Variants in SPATA16 observed in about 807,000 individuals in gnomAD.
SPATA16 encodes spermatogenesis-associated protein 16.
A neutral mutation model predicts 63.3 loss-of-function variants in SPATA16; 36 were observed. The ratio of observed to expected loss-of-function variants is 0.57; its 90% CI spans 0.44 to 0.75. The LOEUF is 0.75. Among genes scored for constraint, SPATA16 ranks in the 30% least tolerant of loss-of-function variants. The pLI is 0.00. For missense variants in SPATA16, 646 were observed against 679.3 expected, an observed-to-expected ratio of 0.95 and a Z score of 0.54; for synonymous variants, 203 against 216.7, an observed-to-expected ratio of 0.94 and a Z score of 0.56.
intron 4 of SPATA16, among the ~76,000 whole-genome samples, chr3:173,011,587 G>A (rs557319063): frequency 2.6e-5 from 4 of 152,100 alleles, no homozygotes; most frequent in South Asian, 2.1e-4. Context: ...ATTCAACATC[G>A]TACTGCAAGT....
chr3:173,137,300 G>A (rs946829715), intron 1 of SPATA16, among the ~76,000 whole-genome samples: 6 of 152,146 alleles, frequency 3.9e-5, no homozygotes, highest in Non-Finnish European at 4.4e-5. Context: ...TATCTTGAAG[G>A]AATATTGTGG....
At chr3:173,091,738 C>A (rs986079857) in intron 2 of SPATA16, among the ~76,000 whole-genome samples, 2 of 152,074 alleles carry the variant, frequency 1.3e-5, no homozygotes, top group African/African-American at 4.8e-5. Flanking sequence ...GAAATCAAAT[C>A]TTTTCATATA....
At chr3:173,052,485 T>C (rs918850745) in intron 2 of SPATA16, among the ~76,000 whole-genome samples, 1 of 152,354 alleles carries the variant, frequency 6.6e-6, no homozygotes, top group Non-Finnish European at 1.5e-5. Flanking sequence ...ACAACTTTAC[T>C]GACTATATCG....
chr3:173,006,461 T>C lies in SPATA16; in HGVS notation c.848+13025A>G, dbSNP rs550938874. On this transcript the variant is annotated intron_variant, in intron 4 of 10. Transcript: ENST00000351008. ...TTATTTTAACCAAAAAAATCTGCGA[T>C]GTATTTTTAGAATCTTGCATGATGA... Among the ~76,000 whole-genome samples, 7 of 152,362 alleles carry C rather than the reference T, an allele frequency of 4.6e-5. No homozygotes were observed. The East Asian group carries it at 1.3e-3, about 29-fold the overall frequency.
At chr3:173,120,087 C>CA (rs530094750) in intron 1 of SPATA16, among the ~76,000 whole-genome samples, 3,395 of 122,610 alleles carry the variant, frequency 0.028, 74 homozygotes, top group Middle Eastern at 0.088. Context: ...AACTCCATCT[C>CA]AAAAAAAAAA....
intron 2 of SPATA16, among the ~76,000 whole-genome samples, chr3:173,072,439 C>G (rs1251277914): frequency 6.6e-6 from 1 of 152,076 alleles, no homozygotes; most frequent in African/African-American, 2.4e-5. Flanking sequence ...ATTTTAGCTC[C>G]CATAATTCCC....
In SPATA16 at chr3:172,947,439, A is replaced by G. The variant is rs573725763; in HGVS notation, c.1081+9238T>C. 3.3e-5 allele frequency among the ~76,000 whole-genome samples: 5 copies of G among 152,318 alleles called. No individual in the cohort carries two copies. The South Asian group carries it at 1.0e-3, about 32-fold the overall frequency. On this transcript the variant is annotated intron_variant, in intron 6 of 10. Transcript: ENST00000351008. ...CCTTTACGTAATGTATGCTCTGAGTACATGTGGGTTTGACTGGATTTGTTC... is the reference window on the plus strand; with the variant it reads ...CCTTTACGTAATGTATGCTCTGAGTGCATGTGGGTTTGACTGGATTTGTTC...
intron 2 of SPATA16, among the ~76,000 whole-genome samples, chr3:173,113,846 A>G (rs748668078): frequency 1.3e-5 from 2 of 151,836 alleles, no homozygotes; most frequent in African/African-American, 4.8e-5. Flanking sequence ...TCCTCTACAC[A>G]CTCTTACAGC....
chr3:172,909,536 TAGAG>T (rs1351721245), intron 10 of SPATA16, among the ~76,000 whole-genome samples: 1 of 152,124 alleles, frequency 6.6e-6, no homozygotes, highest in Non-Finnish European at 1.5e-5. Flanking sequence ...CCAATTCACA[TAGAG>T]AGGCCACGGT....
At chr3:173,007,044 T>C (rs576065803) in intron 4 of SPATA16, among the ~76,000 whole-genome samples, 1 of 152,266 alleles carries the variant, frequency 6.6e-6, no homozygotes, top group South Asian at 2.1e-4. Flanking sequence ...GTCTTTGAGG[T>C]TTTTACTGTA....
chr3:173,086,245 G>T (rs1025241012), intron 2 of SPATA16, among the ~76,000 whole-genome samples: 2 of 151,970 alleles, frequency 1.3e-5, no homozygotes, highest in African/African-American at 2.4e-5. Context: ...CAACTTGTTC[G>T]TGGTACAACC....
intron 5 of SPATA16, among the ~76,000 whole-genome samples, chr3:172,961,749 C>T (rs2108239685): frequency 6.6e-6 from 1 of 152,234 alleles, no homozygotes; most frequent in South Asian, 2.1e-4. Context: ...GAATTAGAGT[C>T]TCTAATGTTA....
At chr3:172,962,215 C>T (rs111738925) in intron 5 of SPATA16, among the ~76,000 whole-genome samples, 1 of 137,736 alleles carries the variant, frequency 7.3e-6, no homozygotes, top group African/African-American at 2.8e-5. Context: ...ATTAAGACCA[C>T]TGCACTCCAG....
At chr3:172,936,032 G>C (rs929916521) in intron 6 of SPATA16, among the ~76,000 whole-genome samples, 5 of 152,154 alleles carry the variant, frequency 3.3e-5, no homozygotes, top group Non-Finnish European at 7.4e-5. Context: ...AACACACAAA[G>C]ATACAATTTT....
At chr3:172,995,528 A>T (rs2108263281) in intron 4 of SPATA16, among the ~76,000 whole-genome samples, 1 of 152,202 alleles carries the variant, frequency 6.6e-6, no homozygotes. Context: ...TAGGAGATAT[A>T]ACGTATAGAA....
chr3:172,988,007 G>A (rs907644983), intron 4 of SPATA16, among the ~76,000 whole-genome samples: 1 of 152,088 alleles, frequency 6.6e-6, no homozygotes, highest in Non-Finnish European at 1.5e-5. Context: ...AGCAAATAGT[G>A]CAACTCAACC....
chr3:172,899,462 T>G (rs1432791979), intron 10 of SPATA16, among the ~76,000 whole-genome samples: 2 of 152,082 alleles, frequency 1.3e-5, no homozygotes, highest in Non-Finnish European at 2.9e-5. Context: ...TTGCTTCCCT[T>G]TTGTTAATGT....
chr3:173,076,816 A>G (rs552737735), intron 2 of SPATA16, among the ~76,000 whole-genome samples: 2 of 152,090 alleles, frequency 1.3e-5, no homozygotes, highest in Non-Finnish European at 2.9e-5. Flanking sequence ...AAGTTAATGG[A>G]AGGATTATGT....
rs190128943 is a variant in SPATA16 at position 173,136,036 on chromosome 3, C to G, written c.-19+5067G>C. 2.9e-3 allele frequency among the ~76,000 whole-genome samples: 449 copies of G among 152,290 alleles called. 1 individual carries two copies. The highest frequency in any genetic ancestry group is 0.01 in the African/African-American group (425 of 41,550). On this transcript the variant is annotated intron_variant, in intron 1 of 10. Coordinates refer to ENST00000351008, the MANE Select transcript of SPATA16 (RefSeq NM_031955.6). ...TTGCCTAAACACATGCCCCCTACTC[C>G]CTTATCTACAACCTTTGCATTGTCT...
Sources: allele counts gnomAD v4.1 joint callset (sites outside exome capture counted in the v4.1 genomes callset), GRCh38; gene constraint gnomAD v4.1.1; transcripts MANE v1.5; gene names NCBI Gene and HGNC (gene_info 2026-07-23, HGNC 2026-07-21).